MAP3K5: variants seen among roughly 807,000 people sequenced by gnomAD.
MAP3K5 encodes the protein ASK-1.
Under a neutral mutation model 158.7 loss-of-function variants are expected in MAP3K5, and 56 were observed. The ratio of observed to expected loss-of-function variants is 0.35; its 90% confidence interval spans 0.28 to 0.44. MAP3K5 has a LOEUF of 0.44. Among genes scored for constraint, MAP3K5 ranks in the 20% least tolerant of loss-of-function variants. The probability of loss-of-function intolerance (pLI) is 1.00; values close to 1 mark genes in which losing one functional copy is unlikely to be tolerated. For synonymous variants in MAP3K5, 579 were observed against 601.7 expected, an observed-to-expected ratio of 0.96 and a Z score of 0.55; for missense variants, 1,294 against 1,674.8, an observed-to-expected ratio of 0.77 and a Z score of 3.97.
intron 23 of MAP3K5, among the ~76,000 whole-genome samples, chr6:136,587,219 T>C (rs1034143488): frequency 2.0e-5 from 3 of 152,220 alleles, no homozygotes; most frequent in African/African-American, 7.2e-5. Context: ...GATTTGGTTT[T>C]GTTATAAAGT....
In MAP3K5 at chr6:136,657,651, T is replaced by C. The variant is rs74613657; in HGVS notation, c.1527-1191A>G. Among the ~76,000 whole-genome samples the C allele has an allele frequency of 4.9e-3, 744 of 152,092 alleles. 3 individuals are homozygous for C. Among genetic ancestry groups the C allele is most frequent in the African/African-American group, 0.017 (689 of 41,484 alleles). ...AGAGACAACTTAAAAAGCTATACAC[T>C]CAGTATCAAGAGAAGCATAACTAAA... is the stretch of plus-strand genomic sequence containing the variant. On this transcript the variant is annotated intron_variant, in intron 9 of 29. Transcript: ENST00000359015.
At chr6:136,762,692 ATGCTTGC>A (rs780720890) in intron 1 of MAP3K5, among the ~76,000 whole-genome samples, 41 of 152,190 alleles carry the variant, frequency 2.7e-4, no homozygotes, top group Non-Finnish European at 5.1e-4. Flanking sequence ...GGAAACTATA[ATGCTTGC>A]TGCAAGCTCC....
rs962734540 is a variant in MAP3K5, at chr6:136,698,569, G to A, written c.726C>T (p.Phe242=). 6 of 1,614,028 alleles carry A rather than the reference G, an allele frequency of 3.7e-6. No homozygotes were observed. Among genetic ancestry groups the A allele is most frequent in the African/African-American group, 2.7e-5 (2 of 75,046 alleles). Residue 242 remains phenylalanine, a synonymous_variant, in exon 4 of 30, where the codon TTC becomes TTT. Transcript: ENST00000359015. The part of the protein sequence containing the change: ...KGLTELMQPN[F]ELLLGPICLP... Reference sequence around the variant, plus strand: ...AGCAGATGGGTCCAAGAAGCAGCTCGAAGTTCGGTTGCATGAGCTCTGTCA... The same window carrying A: ...AGCAGATGGGTCCAAGAAGCAGCTCAAAGTTCGGTTGCATGAGCTCTGTCA...
At chr6:136,691,280 A>G (rs999525989) in intron 7 of MAP3K5, among the ~76,000 whole-genome samples, 2 of 152,124 alleles carry the variant, frequency 1.3e-5, no homozygotes, top group African/African-American at 2.4e-5. Context: ...CTGCAACAGT[A>G]TATCTCTCCT....
intron 7 of MAP3K5, among the ~76,000 whole-genome samples, chr6:136,682,129 C>CG (rs1779963540): frequency 6.6e-6 from 1 of 152,182 alleles, no homozygotes; most frequent in African/African-American, 2.4e-5. Flanking sequence ...CCTTAGGAAT[C>CG]CTGTACATCT....
At chr6:136,610,557 A>C (rs566036613) in intron 18 of MAP3K5, among the ~76,000 whole-genome samples, 38 of 150,826 alleles carry the variant, frequency 2.5e-4, no homozygotes, top group African/African-American at 8.5e-4. Flanking sequence ...TTAGGGTATG[A>C]GTAAGCATCA....
At chr6:136,762,913 A>G (rs1783818830) in intron 1 of MAP3K5, among the ~76,000 whole-genome samples, 1 of 152,200 alleles carries the variant, frequency 6.6e-6, no homozygotes, top group Non-Finnish European at 1.5e-5. Flanking sequence ...AAAATGGCAA[A>G]TGCTGCCTAT....
At chr6:136,659,078 G>A in intron 9 of MAP3K5, 141 bp downstream of exon 9, 1 of 779,662 alleles carries the variant, frequency 1.3e-6, no homozygotes, top group Middle Eastern at 3.7e-4. Context: ...CACGTTTTAT[G>A]AATATCACAA....
chr6:136,643,901 A>AAT (rs140365564), intron 11 of MAP3K5, among the ~76,000 whole-genome samples: 2,822 of 148,596 alleles, frequency 0.019, 30 homozygotes, highest in African/African-American at 0.027. Context: ...TGAACTTCTA[A>AAT]ATATATATAT....
intron 14 of MAP3K5, among the ~76,000 whole-genome samples, chr6:136,631,988 A>C (rs538095116): frequency 2.6e-5 from 4 of 152,302 alleles, no homozygotes; most frequent in African/African-American, 9.6e-5. Context: ...GAAATGATTC[A>C]AAGAGAAAAG....
chr6:136,614,522 G>C (rs761880792), intron 15 of MAP3K5, among the ~76,000 whole-genome samples: 1 of 152,210 alleles, frequency 6.6e-6, no homozygotes, highest in Non-Finnish European at 1.5e-5. Context: ...ATTTCCATGA[G>C]AAGGTAGTAT....
chr6:136,713,041 T>C (rs1312725991), intron 2 of MAP3K5, among the ~76,000 whole-genome samples: 2 of 152,114 alleles, frequency 1.3e-5, no homozygotes, highest in East Asian at 1.9e-4. Flanking sequence ...ATTTCAGTAA[T>C]AGTTTCAAAG....
At chr6:136,601,781 C>T (rs1347700066) in intron 20 of MAP3K5, 21 bp downstream of exon 20, 4 of 1,611,732 alleles carry the variant, frequency 2.5e-6, no homozygotes, top group African/African-American at 2.7e-5. Flanking sequence ...AGACTATATC[C>T]TCTTCAATGC....
intron 2 of MAP3K5, among the ~76,000 whole-genome samples, chr6:136,706,148 C>A (rs1781067366): frequency 6.6e-6 from 1 of 152,064 alleles, no homozygotes; most frequent in African/African-American, 2.4e-5. Context: ...TGACTGTAAT[C>A]CCAGCTACTC....
chr6:136,686,968 C>T lies in MAP3K5; in HGVS notation c.1253+7172G>A, dbSNP rs113817655. Among the ~76,000 whole-genome samples the T allele has an allele frequency of 7.0e-3, 1,066 of 152,234 alleles. 13 individuals carry two copies. Among genetic ancestry groups the T allele is most frequent in the African/African-American group, 0.025 (1,030 of 41,540 alleles). On this transcript the variant is annotated intron_variant, in intron 7 of 29. Coordinates refer to ENST00000359015, the MANE Select transcript of MAP3K5 (RefSeq NM_005923.4). ...CAAAAAAGAGCCCATATAGCCAAGACAATCTTAAACAAAAAGAACAAAGCT... is the reference window on the plus strand; with the variant it reads ...CAAAAAAGAGCCCATATAGCCAAGATAATCTTAAACAAAAAGAACAAAGCT...
At chr6:136,649,031 A>T (rs2114383199) in intron 11 of MAP3K5, among the ~76,000 whole-genome samples, 2 of 152,260 alleles carry the variant, frequency 1.3e-5, no homozygotes, top group Middle Eastern at 6.8e-3. Context: ...GTGCAGTGGC[A>T]CAATTTTGGC....
At chr6:136,758,575 G>A (rs1258699258) in intron 1 of MAP3K5, among the ~76,000 whole-genome samples, 2 of 152,224 alleles carry the variant, frequency 1.3e-5, no homozygotes, top group Non-Finnish European at 2.9e-5. Flanking sequence ...AGTGTGGGCA[G>A]TCAATCCAGA....
rs544164544 is a variant in MAP3K5 at position 136,789,908 on chromosome 6, C to A, written c.448+1802G>T. 7.2e-5 allele frequency among the ~76,000 whole-genome samples: 11 copies of A among 152,084 alleles called. 1 individual carries two copies. In the South Asian group the frequency reaches 2.3e-3, roughly 32 times the overall value. On this transcript the variant is annotated intron_variant, in intron 1 of 29. Coordinates refer to ENST00000359015, the MANE Select transcript of MAP3K5 (RefSeq NM_005923.4). ...TTCACCATGTTGGCCAGGAGGCTGG[C>A]CTGGAACTCCTGACCTCAGGTGATC...
chr6:136,618,764 A>G (rs749803909), intron 15 of MAP3K5, among the ~76,000 whole-genome samples: 1 of 152,246 alleles, frequency 6.6e-6, no homozygotes, highest in Non-Finnish European at 1.5e-5. Flanking sequence ...TTACTGTTTC[A>G]TAAGAATCCA....
Sources: allele counts gnomAD v4.1 joint callset (sites outside exome capture counted in the v4.1 genomes callset), GRCh38; gene constraint gnomAD v4.1.1; transcripts MANE v1.5; gene names NCBI Gene and HGNC (gene_info 2026-07-23, HGNC 2026-07-21).